The following DLGAP2 variants were observed in gnomAD, a reference collection of about 807,000 sequenced individuals.
The protein encoded by DLGAP2 is DLG associated protein 2.
A neutral mutation model predicts 100.3 loss-of-function variants in DLGAP2; 26 were observed. The observed-to-expected ratio is 0.26, with a 90% confidence interval of 0.19 to 0.36. DLGAP2 has a LOEUF of 0.36. Ranked by LOEUF, DLGAP2 falls within the 10% of genes least tolerant of loss-of-function variation. The pLI is 1.00. For missense variants in DLGAP2, 1,858 were observed against 1,453.2 expected (o/e 1.28, Z -4.53); for synonymous variants, 886 against 630.1 (o/e 1.41, Z -6.08).
intron 1 of DLGAP2, among the ~76,000 whole-genome samples, chr8:854,067 G>A (rs189821907): frequency 1.3e-5 from 2 of 152,306 alleles, no homozygotes; most frequent in East Asian, 1.9e-4. Flanking sequence ...AGTGGAATCC[G>A]CTGTGCCTGG....
chr8:1,389,882 G>A (rs544145798), intron 3 of DLGAP2, among the ~76,000 whole-genome samples: 1 of 152,044 alleles, frequency 6.6e-6, no homozygotes, highest in Non-Finnish European at 1.5e-5. Flanking sequence ...AGACAACAGT[G>A]ATTGCTGAAA....
chr8:771,392 G>A (rs998103724), intron 1 of DLGAP2, among the ~76,000 whole-genome samples: 3 of 152,104 alleles, frequency 2.0e-5, no homozygotes, highest in African/African-American at 4.8e-5. Context: ...ATTAAGTAGA[G>A]AAAAACACTT....
intron 8 of DLGAP2, among the ~76,000 whole-genome samples, chr8:1,647,429 C>T (rs1798065393): frequency 7.6e-6 from 1 of 131,676 alleles, no homozygotes; most frequent in East Asian, 2.5e-4. Flanking sequence ...GCAGAGCTTG[C>T]AGTGAGCCGA....
chr8:1,280,436 A>G (rs1193647527), intron 3 of DLGAP2, among the ~76,000 whole-genome samples: 8 of 152,234 alleles, frequency 5.3e-5, no homozygotes, highest in East Asian at 1.9e-4. Flanking sequence ...TTTTCCCTGT[A>G]TCAGAAAAAT....
chr8:1,155,994 A>G (rs1400847179), intron 2 of DLGAP2, among the ~76,000 whole-genome samples: 1 of 152,118 alleles, frequency 6.6e-6, no homozygotes, highest in Non-Finnish European at 1.5e-5. Context: ...CCCGTCGCAG[A>G]GGGCCTGTGG....
At chr8:1,668,956 C>T (rs953329416) in intron 9 of DLGAP2, among the ~76,000 whole-genome samples, 6 of 152,212 alleles carry the variant, frequency 3.9e-5, no homozygotes, top group Admixed American at 1.3e-4. Flanking sequence ...AAATACACTC[C>T]GGGCCACTTG....
intron 3 of DLGAP2, among the ~76,000 whole-genome samples, chr8:1,467,300 T>C (rs758600717): frequency 6.6e-6 from 1 of 151,640 alleles, no homozygotes; most frequent in Non-Finnish European, 1.5e-5. Flanking sequence ...CAGCCCTCCT[T>C]ATGGTCCTCC....
chr8:1,673,564 A>C (rs1452281735), intron 10 of DLGAP2, among the ~76,000 whole-genome samples: 8 of 152,204 alleles, frequency 5.3e-5, no homozygotes, highest in Middle Eastern at 3.2e-3. Flanking sequence ...TGTGCCTTTA[A>C]TGTAATATAC....
Position 1,641,915 on chromosome 8 carries a change from G to GT in DLGAP2, c.1810+8869_1810+8870insT, listed in dbSNP as rs1363809109. On this transcript the variant is annotated intron_variant, in intron 8 of 14. Coordinates refer to ENST00000637795, the MANE Select transcript of DLGAP2 (RefSeq NM_001346810.2). ...ACCTGTGTCACCCTCGACCCCGCCG[G>GT]CCCTCACCTGTGTCACCCTCGACCC... Among the ~76,000 whole-genome samples, 20 of 132,960 alleles carry GT rather than the reference G, an allele frequency of 1.5e-4. 1 individual carries two copies. The highest frequency in any genetic ancestry group is 6.4e-4 in the East Asian group (3 of 4,658). The allele number at this position is 132,960 out of a possible 152,430, so 87.2% of individuals were successfully genotyped here.
intron 1 of DLGAP2, among the ~76,000 whole-genome samples, chr8:899,586 C>G (rs1798211228): frequency 6.6e-6 from 1 of 152,138 alleles, no homozygotes; most frequent in Non-Finnish European, 1.5e-5. Context: ...GAAGGGAGGC[C>G]AGAGATAGAA....
At chr8:1,650,289 C>T (rs1398229071) in intron 8 of DLGAP2, among the ~76,000 whole-genome samples, 1 of 152,216 alleles carries the variant, frequency 6.6e-6, no homozygotes, top group East Asian at 1.9e-4. Flanking sequence ...GATTTAGAAG[C>T]TCCATATACA....
chr8:1,583,146 G>C (rs1238068635), intron 6 of DLGAP2, among the ~76,000 whole-genome samples: 1 of 152,196 alleles, frequency 6.6e-6, no homozygotes, highest in Admixed American at 6.5e-5. Flanking sequence ...TACGGGAAGA[G>C]AAGGGGCATA....
At position 1,072,519 on chromosome 8, in the gene DLGAP2, G is replaced by A. The variant is rs985480940; in HGVS notation, c.73+164553G>A. 9.2e-5 allele frequency among the ~76,000 whole-genome samples: 14 copies of A among 152,114 alleles called. No homozygotes were observed. In the East Asian group the frequency reaches 1.2e-3, roughly 13 times the overall value. On this transcript the variant is annotated intron_variant, in intron 2 of 14. Transcript: ENST00000637795. ...AACTCGACGCGTGTTTGATTTCACC[G>A]CAGCGTTTCTCCCCGCGGTAGTGCA...
chr8:822,807 A>G (rs1287856226), intron 1 of DLGAP2, among the ~76,000 whole-genome samples: 1 of 152,080 alleles, frequency 6.6e-6, no homozygotes, highest in African/African-American at 2.4e-5. Flanking sequence ...GGGGCTGTGG[A>G]CGCCACAGTG....
intron 2 of DLGAP2, among the ~76,000 whole-genome samples, chr8:1,092,060 G>A (rs928935130): frequency 1.3e-5 from 2 of 152,180 alleles, no homozygotes; most frequent in East Asian, 3.9e-4. Flanking sequence ...CTCCAGCCGT[G>A]CAGCCTCTCC....
intron 4 of DLGAP2, among the ~76,000 whole-genome samples, chr8:1,503,279 C>G (rs932699459): frequency 1.3e-5 from 2 of 151,768 alleles, no homozygotes; most frequent in Admixed American, 1.3e-4. Flanking sequence ...CCATGAAACA[C>G]TCAGTCCCTT....
In DLGAP2 at chr8:1,701,427, C is replaced by T. The variant is rs769251162; in HGVS notation, c.*21C>T. On this transcript the variant is annotated 3_prime_UTR_variant, in exon 15 of 15. Transcript: ENST00000637795. ...TCTGAGGGCGGAGGCCGGCGCCTTCCCCTCGTCGCTTCCGCTTTCCCGGAC... is the reference window on the plus strand; with the variant it reads ...TCTGAGGGCGGAGGCCGGCGCCTTCTCCTCGTCGCTTCCGCTTTCCCGGAC... The T allele has an allele frequency of 5.1e-6, 8 of 1,560,322 alleles. No homozygotes were observed. Among genetic ancestry groups the T allele is most frequent in the Non-Finnish European group, 6.9e-6 (8 of 1,153,958 alleles).
chr8:772,788 C>A lies in DLGAP2; in HGVS notation c.18+34963C>A, dbSNP rs180683069. On this transcript the variant is annotated intron_variant, in intron 1 of 14. Transcript: ENST00000637795. ...TCCAGCACAGTGCCACACATGGCTT[C>A]TTGTGGCATGCATGGAATTAAGTGC... Among the ~76,000 whole-genome samples the A allele has an allele frequency of 3.0e-3, 457 of 152,306 alleles. 3 individuals carry two copies. Among genetic ancestry groups the A allele is most frequent in the African/African-American group, 0.01 (426 of 41,560 alleles).
chr8:1,172,376 C>T (rs958942278), intron 2 of DLGAP2, among the ~76,000 whole-genome samples: 5 of 151,484 alleles, frequency 3.3e-5, no homozygotes, highest in Admixed American at 2.6e-4. Context: ...AGTTGCTCTT[C>T]TCGAGGAGTA....
Sources: allele counts gnomAD v4.1 joint callset (sites outside exome capture counted in the v4.1 genomes callset), GRCh38; gene constraint gnomAD v4.1.1; transcripts MANE v1.5; gene names NCBI Gene and HGNC (gene_info 2026-07-23, HGNC 2026-07-21).